WDR73: variants seen among roughly 807,000 people sequenced by gnomAD.
WDR73 encodes the protein WD repeat domain 73.
In WDR73, 30 loss-of-function variants were observed where a neutral mutation model predicts 38.2. The observed-to-expected ratio is 0.79, with a 90% CI of 0.59 to 1.06. The LOEUF (loss-of-function observed/expected upper bound fraction) is 1.06. Ranked by LOEUF, WDR73 falls within the 50% of genes least tolerant of loss-of-function variation. WDR73 has a pLI of 0.00. For missense variants in WDR73, 487 were observed against 467.0 expected, an observed-to-expected ratio of 1.04 and a Z score of -0.40; for synonymous variants, 197 against 176.0, an observed-to-expected ratio of 1.12 and a Z score of -0.94.
At chr15:84,653,483 A>G in intron 2 of WDR73, 149 bp downstream of exon 2, 1 of 606,674 alleles carries the variant, frequency 1.6e-6, no homozygotes, top group Non-Finnish European at 3.0e-6. Context: ...GATCTTAATA[A>G]GAGGAATATT....
At chr15:84,653,953 C>A in intron 1 of WDR73, 2 of 605,072 alleles carry the variant, frequency 3.3e-6, no homozygotes, top group East Asian at 5.5e-5. Context: ...ATGAGATCAT[C>A]TGTGTTCTGA....
intron 4 of WDR73, 101 bp from the exon 5 acceptor site, chr15:84,648,055 T>A: frequency 1.0e-6 from 1 of 997,692 alleles, no homozygotes; most frequent in Non-Finnish European, 1.6e-6. Flanking sequence ...ACTTCCCATA[T>A]CAGGACATCT....
At chr15:84,648,083 G>A (rs1896519045) in intron 4 of WDR73, 129 bp from the exon 5 acceptor site, 3 of 791,426 alleles carry the variant, frequency 3.8e-6, no homozygotes, top group Admixed American at 4.0e-5. Context: ...AGATCATCAA[G>A]GCCAACCACC....
At position 84,642,989 on chromosome 15, in the gene WDR73, A is replaced by T. The variant is rs1189127228; in HGVS notation, c.*481T>A. 1 of 159,630 alleles carries T rather than the reference A, an allele frequency of 6.3e-6. No homozygotes were observed. The highest frequency in any genetic ancestry group is 1.4e-5 in the Non-Finnish European group (1 of 72,614). The allele number at this position is 159,630 out of a possible 1,614,324, so 9.9% of individuals were successfully genotyped here. On this transcript the variant is annotated 3_prime_UTR_variant, in exon 8 of 8. Coordinates refer to ENST00000434634, the MANE Select transcript of WDR73 (RefSeq NM_032856.5). ...CTCTTGAACCTAGTCACCTGGGGGG[A>T]CAAGTGTGGGAAAGTGCACCTGTGT...
At position 84,645,812 on chromosome 15, in the gene WDR73, C is replaced by T. The variant is rs1212818148; in HGVS notation, c.542G>A (p.Ser181Asn). The T allele has an allele frequency of 1.9e-6, 3 of 1,613,828 alleles. No homozygotes were observed. The highest frequency in any genetic ancestry group is 2.5e-6 in the Non-Finnish European group (3 of 1,179,834). Residue 181 changes from serine to asparagine, a missense_variant, in exon 7 of 8, where the codon AGT becomes AAT. By Grantham distance (46) the Ser-to-Asn change is conservative. Transcript: ENST00000434634. The stretch of plus-strand genomic sequence containing the variant: ...GTCTGCATCTAGGACCTGCAGGCTA[C>T]TCAGCTCCTCACTGTCACTGACATC... ...TSDVSDSEEL[S>N]SLQVLDADTF...
intron 1 of WDR73, 193 bp downstream of exon 1, chr15:84,654,041 G>A: frequency 1.4e-6 from 1 of 703,136 alleles, no homozygotes; most frequent in Non-Finnish European, 2.4e-6. Flanking sequence ...ATCTCACAAC[G>A]CGCGCACGCA....
Position 84,643,655 on chromosome 15 carries a change from G to A in WDR73, c.952C>T (p.Arg318Trp), listed in dbSNP as rs373448317. 628 of 1,068,788 alleles carry A rather than the reference G, an allele frequency of 5.9e-4. 1 individual carries two copies. Among genetic ancestry groups the A allele is most frequent in the Non-Finnish European group, 7.4e-4 (564 of 763,564 alleles). 66.2% of individuals were successfully genotyped at this position (1,068,788 alleles called of 1,614,324 possible). Residue 318 changes from arginine (R) to tryptophan (W), a missense_variant, in exon 8 of 8, where the codon CGG becomes TGG. Coordinates refer to ENST00000434634, the MANE Select transcript of WDR73 (RefSeq NM_032856.5). Reference protein sequence around the residue: ...WDGTRSQDGTRSQVEPLFTHR... With the variant: ...WDGTRSQDGTWSQVEPLFTHR... ...GTGAAGAGAGGTTCTACTTGGCTCC[G>A]TGTTCCATCTTGGCTCCGTGTTCCA...
Position 84,653,706 on chromosome 15 carries a change from A to T in WDR73, c.42-7T>A. 6.3e-7 allele frequency: 1 copy of T among 1,583,658 alleles called. No individual in the cohort carries two copies. On this transcript the variant is annotated splice_region_variant and splice_polypyrimidine_tract_variant and intron_variant, in intron 1 of 7. Coordinates refer to ENST00000434634, the MANE Select transcript of WDR73 (RefSeq NM_032856.5). ...TGCATAGAAATCCTGGTACCTGCAC[A>T]AAAGGGACACAGAATCACACGATGC...
In WDR73 at chr15:84,643,425, G is replaced by A; in HGVS notation, c.*45C>T. ...CTACATGAGCACCCTTGCTACTACAGCAGCTCCTCCCCTTTCTAGAGGCCT... is the reference window on the plus strand; with the variant it reads ...CTACATGAGCACCCTTGCTACTACAACAGCTCCTCCCCTTTCTAGAGGCCT... On this transcript the variant is annotated 3_prime_UTR_variant, in exon 8 of 8. Coordinates refer to ENST00000434634, the MANE Select transcript of WDR73 (RefSeq NM_032856.5). 1 of 1,542,440 alleles carries A rather than the reference G, an allele frequency of 6.5e-7. No individual in the cohort carries two copies. Among genetic ancestry groups the A allele is most frequent in the African/African-American group, 1.4e-5 (1 of 72,998 alleles).
chr15:84,648,121 A>AATC, intron 4 of WDR73, 167 bp from the exon 5 acceptor site: 1 of 668,458 alleles, frequency 1.5e-6, no homozygotes, highest in South Asian at 1.7e-5. Flanking sequence ...GAGCAGGCTC[A>AATC]ATCAACTTTA....
chr15:84,646,470 C>G, intron 5 of WDR73, 122 bp from the exon 6 acceptor site: 1 of 1,447,684 alleles, frequency 6.9e-7, no homozygotes, highest in Non-Finnish European at 9.1e-7. Context: ...TGCCGGCTGG[C>G]AAGAGATGAT....
chr15:84,647,823 A>G, intron 5 of WDR73, 67 bp downstream of exon 5: 1 of 1,478,888 alleles, frequency 6.8e-7, no homozygotes, highest in Non-Finnish European at 9.5e-7. Context: ...GGCTCAGATT[A>G]GGGGACAGGG....
chr15:84,647,582 C>T (rs1432770714), intron 5 of WDR73: 6 of 328,598 alleles, frequency 1.8e-5, no homozygotes, highest in African/African-American at 6.3e-5. Flanking sequence ...CTGTAACCTC[C>T]GCCTCCCAGG....
In WDR73 at chr15:84,645,793, A is replaced by G. The variant is rs1297202436; in HGVS notation, c.561T>C (p.Asp187=). Residue 187 remains aspartate (D), a synonymous_variant, in exon 7 of 8, where the codon GAT becomes GAC. Transcript: ENST00000434634. Reference sequence around the variant, plus strand: ...CACAGCAGAAGGCAAAGGTGTCTGCATCTAGGACCTGCAGGCTACTCAGCT... The same window carrying G: ...CACAGCAGAAGGCAAAGGTGTCTGCGTCTAGGACCTGCAGGCTACTCAGCT... ...SEELSSLQVL[D]ADTFAFCCAS... 1.2e-6 allele frequency: 2 copies of G among 1,613,774 alleles called. No individual in the cohort carries two copies. Among genetic ancestry groups the G allele is most frequent in the African/African-American group, 2.7e-5 (2 of 75,038 alleles).
intron 6 of WDR73, 88 bp downstream of exon 6, chr15:84,646,096 G>C (rs1446669503): frequency 1.9e-6 from 3 of 1,590,988 alleles, no homozygotes; most frequent in Admixed American, 3.6e-5. Context: ...CTGGCACAGA[G>C]AGTTGAACTC....
At chr15:84,644,955 C>CT (rs1394106885) in intron 7 of WDR73, 23 of 115,710 alleles carry the variant, frequency 2.0e-4, no homozygotes, top group Non-Finnish European at 3.3e-4. Flanking sequence ...TTTTTTTTTT[C>CT]TTTTTTTTTC....
chr15:84,648,418 C>T, intron 4 of WDR73, 119 bp downstream of exon 4: 1 of 728,914 alleles, frequency 1.4e-6, no homozygotes, highest in Non-Finnish European at 2.4e-6. Context: ...CTTGTGCACT[C>T]ACATGTGCCT....
chr15:84,648,918 G>C (rs1209876925), intron 3 of WDR73, among the ~76,000 whole-genome samples: 3 of 152,184 alleles, frequency 2.0e-5, no homozygotes, highest in Non-Finnish European at 4.4e-5. Flanking sequence ...AAGCTTAACA[G>C]CTTCATCAAA....
intron 7 of WDR73, chr15:84,643,956 T>A: frequency 6.9e-6 from 3 of 433,042 alleles, no homozygotes; most frequent in Non-Finnish European, 1.2e-5. Flanking sequence ...GGCTATTGGA[T>A]GAGGAATCAA....
Sources: gnomAD v4.1 joint callset for allele counts (sites outside exome capture counted in the v4.1 genomes callset) on GRCh38, gnomAD v4.1.1 for gene constraint, MANE v1.5 for transcripts, NCBI Gene and HGNC (gene_info 2026-07-23, HGNC 2026-07-21) for gene names.